Variants in NRG4 observed in about 807,000 individuals in gnomAD.
NRG4 encodes the protein neuregulin 4.
A neutral mutation model predicts 15.0 loss-of-function variants in NRG4; 10 were observed. The observed-to-expected ratio is 0.67, with a 90% CI of 0.41 to 1.13. NRG4 has a LOEUF of 1.13. Among genes scored for constraint, NRG4 ranks in the 50% most tolerant of loss-of-function variants. NRG4 has a pLI of 0.00. For synonymous variants in NRG4, 41 were observed against 50.1 expected (o/e 0.82, Z 0.77); for missense variants, 139 against 140.2 (o/e 0.99, Z 0.04).
intron 4 of NRG4, among the ~76,000 whole-genome samples, chr15:76,044,413 G>A (rs1044156119): frequency 4.6e-5 from 7 of 150,620 alleles, no homozygotes. Context: ...AATGAAACTC[G>A]ACCCCTATCT....
chr15:76,003,285 T>C (rs1490894152), intron 3 of NRG4, among the ~76,000 whole-genome samples: 1 of 152,128 alleles, frequency 6.6e-6, no homozygotes, highest in East Asian at 1.9e-4. Flanking sequence ...ATATGACACA[T>C]CAAAAATCGT....
intron 4 of NRG4, among the ~76,000 whole-genome samples, chr15:76,044,285 A>C: frequency 6.7e-6 from 1 of 148,806 alleles, no homozygotes; most frequent in Non-Finnish European, 1.5e-5. Context: ...TACAGGCGTG[A>C]GCCACCGCGC....
rs5813813 is a variant in NRG4, at chr15:75,951,163, CTT to C, written c.331+4767_331+4768del. ...GGTTCTTCTTTTCTTTTTCTTTTTTCTTTTTTTTTTTTTTTTTTTTTTGAGAC... is the reference window on the plus strand; with the variant it reads ...GGTTCTTCTTTTCTTTTTCTTTTTTCTTTTTTTTTTTTTTTTTTTTGAGAC... On this transcript the variant is annotated intron_variant, in intron 5 of 5. Transcript: ENST00000394907. The C allele has an allele frequency of 1.6e-3, 146 of 90,542 alleles. 2 individuals are homozygous for C. The highest frequency in any genetic ancestry group is 6.2e-3 in the African/African-American group (137 of 22,050). The allele number at this position is 90,542 out of a possible 1,614,324, so 5.6% of individuals were successfully genotyped here. A position where few individuals can be genotyped will look rare whatever the true frequency, so the allele number is the denominator to read the frequency against.
At chr15:75,973,233 C>T (rs903293396) in intron 3 of NRG4, among the ~76,000 whole-genome samples, 6 of 152,152 alleles carry the variant, frequency 3.9e-5, no homozygotes, top group African/African-American at 1.2e-4. Flanking sequence ...TATCCTGAGA[C>T]GTTGCTGAAG....
At chr15:75,947,016 G>C (rs986223939) in intron 5 of NRG4, among the ~76,000 whole-genome samples, 4 of 152,168 alleles carry the variant, frequency 2.6e-5, no homozygotes, top group Non-Finnish European at 4.4e-5. Flanking sequence ...TGAGGCAGGA[G>C]AGGTAGTCAA....
At chr15:75,968,640 T>C (rs2947239) in intron 3 of NRG4, among the ~76,000 whole-genome samples, 9,260 of 139,814 alleles carry the variant, frequency 0.066, 591 homozygotes, top group African/African-American at 0.18. Context: ...TGCAGCTGAG[T>C]GCGTAATCTC....
intron 5 of NRG4, among the ~76,000 whole-genome samples, chr15:76,033,356 G>A (rs922174541): frequency 1.1e-4 from 16 of 152,176 alleles, no homozygotes; most frequent in Non-Finnish European, 1.9e-4. Context: ...AGGAGTTCAA[G>A]ATCAGCCTGG....
rs944694514 is a variant in NRG4 at position 76,003,556 on chromosome 15, A to G, written c.104+5644T>C. ...AATTGTTTAAAACTTCCCAAATTTGATGAAAGACATTAATATAAATATCCA... is the reference window on the plus strand; with the variant it reads ...AATTGTTTAAAACTTCCCAAATTTGGTGAAAGACATTAATATAAATATCCA... On this transcript the variant is annotated intron_variant, in intron 3 of 5. Transcript: ENST00000394907. Among the ~76,000 whole-genome samples the G allele has an allele frequency of 2.6e-5, 4 of 152,320 alleles. No individual in the cohort carries two copies. The East Asian group carries it at 7.7e-4, about 29-fold the overall frequency.
At chr15:76,008,915 C>G (rs544426554) in intron 3 of NRG4, among the ~76,000 whole-genome samples, 25 of 152,034 alleles carry the variant, frequency 1.6e-4, no homozygotes, top group Non-Finnish European at 3.4e-4. Context: ...CCTTAAATTG[C>G]TAAAATCAAA....
intron 4 of NRG4, among the ~76,000 whole-genome samples, chr15:76,049,830 A>C (rs930653743): frequency 1.7e-4 from 26 of 150,498 alleles, no homozygotes; most frequent in Non-Finnish European, 2.7e-4. Context: ...ACTTGAACAC[A>C]CTGTTCTTTA....
chr15:75,985,193 A>G (rs2033754754), intron 3 of NRG4, among the ~76,000 whole-genome samples: 1 of 152,208 alleles, frequency 6.6e-6, no homozygotes, highest in Non-Finnish European at 1.5e-5. Flanking sequence ...GGTAAGTTCC[A>G]TTATAACTCC....
chr15:76,024,872 A>G (rs2035263000), intron 5 of NRG4, among the ~76,000 whole-genome samples: 1 of 152,206 alleles, frequency 6.6e-6, no homozygotes, highest in Non-Finnish European at 1.5e-5. Flanking sequence ...AGACCCATCT[A>G]TATGTATAAG....
intron 5 of NRG4, among the ~76,000 whole-genome samples, chr15:75,944,193 C>T (rs1257629645): frequency 1.3e-5 from 2 of 152,192 alleles, no homozygotes; most frequent in African/African-American, 4.8e-5. Flanking sequence ...GTAAGAAAAA[C>T]ATGGGTTTAA....
chr15:75,949,912 C>G (rs2031775454), intron 5 of NRG4, among the ~76,000 whole-genome samples: 1 of 152,198 alleles, frequency 6.6e-6, no homozygotes, highest in Admixed American at 6.5e-5. Flanking sequence ...TATGAAGCTT[C>G]TAACTTTGTT....
At position 76,007,556 on chromosome 15, in the gene NRG4, AG is replaced by A. The variant is rs377715384; in HGVS notation, c.104+1643del. On this transcript the variant is annotated intron_variant, in intron 3 of 5. Transcript: ENST00000394907. The stretch of plus-strand genomic sequence containing the variant: ...GCCATTCTCCTGCCTCAGCCTCCCG[AG>A]TAGCTGGGACTACAGGCGCCCACCA... 5.3e-3 allele frequency among the ~76,000 whole-genome samples: 806 copies of A among 151,132 alleles called. 7 individuals are homozygous for A. Among genetic ancestry groups the A allele is most frequent in the African/African-American group, 0.019 (769 of 41,082 alleles).
At chr15:76,032,309 G>C (rs1189020826) in intron 5 of NRG4, among the ~76,000 whole-genome samples, 1 of 151,998 alleles carries the variant, frequency 6.6e-6, no homozygotes, top group African/African-American at 2.4e-5. Context: ...AGAAAAGAAT[G>C]GCAAAATATT....
intron 3 of NRG4, among the ~76,000 whole-genome samples, chr15:75,984,176 T>C (rs960357079): frequency 6.6e-6 from 1 of 152,152 alleles, no homozygotes; most frequent in African/African-American, 2.4e-5. Context: ...CGGTGAACCC[T>C]GAACTATGGA....
intron 5 of NRG4, among the ~76,000 whole-genome samples, chr15:75,946,099 G>A (rs996426610): frequency 2.0e-5 from 3 of 152,154 alleles, no homozygotes; most frequent in Admixed American, 6.5e-5. Context: ...ATGGGTGGGC[G>A]GCATATACAG....
intron 2 of NRG4, among the ~76,000 whole-genome samples, chr15:76,054,451 A>G (rs1323409152): frequency 6.6e-6 from 1 of 151,460 alleles, no homozygotes; most frequent in Non-Finnish European, 1.5e-5. Context: ...TTCCGCTCTC[A>G]TTGCCCAGGC....
Sources: allele counts gnomAD v4.1 joint callset (sites outside exome capture counted in the v4.1 genomes callset), GRCh38; gene constraint gnomAD v4.1.1; transcripts MANE v1.5; gene names NCBI Gene and HGNC (gene_info 2026-07-23, HGNC 2026-07-21).